The following NCALD variants were observed in gnomAD, a reference collection of about 807,000 sequenced individuals.
The protein encoded by NCALD is neurocalcin-delta.
In NCALD, 10 loss-of-function variants were observed where a neutral mutation model predicts 18.6. That is an observed-to-expected ratio of 0.54 (90% confidence interval 0.33 to 0.91). The LOEUF is 0.91. Ranked by LOEUF, NCALD falls within the 40% of genes least tolerant of loss-of-function variation. The pLI, the probability that NCALD is intolerant of heterozygous loss-of-function variation, is 0.03. For synonymous variants in NCALD, 88 were observed against 87.4 expected (o/e 1.01, Z -0.04); for missense variants, 184 against 247.6 (o/e 0.74, Z 1.72).
intron 4 of NCALD, among the ~76,000 whole-genome samples, chr8:101,797,616 G>A (rs1018251359): frequency 9.2e-5 from 14 of 152,242 alleles, no homozygotes; most frequent in Admixed American, 2.0e-4. Context: ...AAGAGATTGA[G>A]ACCATCCTGG....
intron 1 of NCALD, among the ~76,000 whole-genome samples, chr8:101,779,688 G>A (rs1349492827): frequency 1.3e-5 from 2 of 152,052 alleles, no homozygotes; most frequent in Non-Finnish European, 2.9e-5. Flanking sequence ...CAATCCTAAA[G>A]GTGGGATTAG....
chr8:102,054,660 CGATAGATA>C (rs10617345), intron 1 of NCALD, among the ~76,000 whole-genome samples: 27,296 of 141,800 alleles, frequency 0.19, 2,769 homozygotes, highest in African/African-American at 0.24. Context: ...CTTTCTCTTC[CGATAGATA>C]GATAGATAGA....
At chr8:102,107,164 ATTAT>A (rs1471106832) in intron 1 of NCALD, among the ~76,000 whole-genome samples, 2 of 142,580 alleles carry the variant, frequency 1.4e-5, no homozygotes, top group African/African-American at 2.6e-5. Flanking sequence ...AATTTAAAAA[ATTAT>A]TTATCTACAG....
At chr8:101,898,999 C>G (rs1271887031) in intron 3 of NCALD, among the ~76,000 whole-genome samples, 3 of 152,044 alleles carry the variant, frequency 2.0e-5, no homozygotes, top group Non-Finnish European at 4.4e-5. Context: ...ACTAAGTTGA[C>G]TCTTCCAATC....
intron 1 of NCALD, among the ~76,000 whole-genome samples, chr8:101,767,392 T>C (rs1473262960): frequency 1.3e-5 from 2 of 152,154 alleles, no homozygotes; most frequent in Admixed American, 1.3e-4. Flanking sequence ...AAACAACATC[T>C]GGAGAAGGTT....
chr8:101,825,138 A>G (rs1213232210), intron 4 of NCALD, among the ~76,000 whole-genome samples: 1 of 152,208 alleles, frequency 6.6e-6, no homozygotes, highest in East Asian at 1.9e-4. Flanking sequence ...GCTGTCTTCA[A>G]ATGGCAATTC....
intron 1 of NCALD, among the ~76,000 whole-genome samples, chr8:101,748,523 G>T (rs1470718801): frequency 6.6e-6 from 1 of 152,134 alleles, no homozygotes; most frequent in Non-Finnish European, 1.5e-5. Flanking sequence ...TTCTCCATCT[G>T]CCTCCCACCC....
chr8:101,778,248 C>A (rs1486141326), intron 1 of NCALD, among the ~76,000 whole-genome samples: 2 of 152,172 alleles, frequency 1.3e-5, no homozygotes, highest in African/African-American at 4.8e-5. Flanking sequence ...ACCATTCCTA[C>A]GTAACTGCCA....
At chr8:101,739,879 C>T (rs1251839793) in intron 1 of NCALD, among the ~76,000 whole-genome samples, 1 of 152,160 alleles carries the variant, frequency 6.6e-6, no homozygotes, top group East Asian at 1.9e-4. Context: ...AACTCCCCTT[C>T]ATATATGCAT....
At position 102,112,362 on chromosome 8, in the gene NCALD, G is replaced by A. The variant is rs935871634; in HGVS notation, c.-210+11875C>T. Among the ~76,000 whole-genome samples, 7 of 152,064 alleles carry A rather than the reference G, an allele frequency of 4.6e-5. No homozygotes were observed. In the South Asian group the frequency reaches 6.2e-4, roughly 14 times the overall value. Reference sequence around the variant, plus strand: ...AAGTGGCAATACTAAGACCAAAACCGGATTAATCCAGCTCCAGAAGGGATG... The same window carrying A: ...AAGTGGCAATACTAAGACCAAAACCAGATTAATCCAGCTCCAGAAGGGATG... On this transcript the variant is annotated intron_variant, in intron 1 of 6. Transcript: ENST00000311028.
rs183532315 is a variant in NCALD, at chr8:102,002,906, G to A, written c.-157+17331C>T. On this transcript the variant is annotated intron_variant, in intron 2 of 6. Transcript: ENST00000311028. ...TGTAGAGGGAAATTTAGAGCACTAA[G>A]GGCCCACAAGAGAAAGCAGGAAAGA... is the stretch of plus-strand genomic sequence containing the variant. Among the ~76,000 whole-genome samples, 1,486 of 151,824 alleles carry A rather than the reference G, an allele frequency of 9.8e-3. 24 individuals carry two copies. Among genetic ancestry groups the A allele is most frequent in the African/African-American group, 0.03 (1,246 of 41,390 alleles).
chr8:101,713,441 G>A (rs1815907742), intron 2 of NCALD, among the ~76,000 whole-genome samples: 1 of 150,280 alleles, frequency 6.7e-6, no homozygotes, highest in Non-Finnish European at 1.5e-5. Context: ...GAGAACTGAA[G>A]GAGATAGAGA....
At chr8:101,934,424 G>C (rs1477348375) in intron 2 of NCALD, among the ~76,000 whole-genome samples, 1 of 152,084 alleles carries the variant, frequency 6.6e-6, no homozygotes, top group Non-Finnish European at 1.5e-5. Context: ...AAGAAGATTA[G>C]GCATAGTGAG....
At chr8:101,691,738 GATT>G in intron 3 of NCALD, 1 of 985,360 alleles carries the variant, frequency 1.0e-6, no homozygotes, top group Non-Finnish European at 1.2e-6. Flanking sequence ...CACAAACCCA[GATT>G]CTTAGGCAGC....
chr8:101,913,154 A>T (rs1817860144), intron 3 of NCALD, among the ~76,000 whole-genome samples: 1 of 152,208 alleles, frequency 6.6e-6, no homozygotes, highest in African/African-American at 2.4e-5. Flanking sequence ...CCCAAGCTGT[A>T]CTCAGACTCC....
chr8:101,923,503 C>G (rs1818237083), intron 2 of NCALD, among the ~76,000 whole-genome samples: 1 of 152,160 alleles, frequency 6.6e-6, no homozygotes, highest in Non-Finnish European at 1.5e-5. Context: ...TGTCAAGTCC[C>G]TTCCAGTTCT....
At chr8:101,762,645 A>C (rs1042076385) in intron 1 of NCALD, among the ~76,000 whole-genome samples, 2 of 148,814 alleles carry the variant, frequency 1.3e-5, no homozygotes, top group African/African-American at 5.0e-5. Flanking sequence ...TGTGATATCG[A>C]CTCACTGCAA....
intron 4 of NCALD, among the ~76,000 whole-genome samples, chr8:101,817,385 C>T (rs777896816): frequency 2.6e-5 from 4 of 152,198 alleles, no homozygotes; most frequent in East Asian, 1.9e-4. Flanking sequence ...TTGTTCTTTC[C>T]GGATTGTCAT....
At chr8:101,833,044 A>G (rs140210108) in intron 4 of NCALD, among the ~76,000 whole-genome samples, 164 of 152,340 alleles carry the variant, frequency 1.1e-3, no homozygotes, top group African/African-American at 3.4e-3. Flanking sequence ...CTGGATCTGA[A>G]GAGGCTATGA....
Sources: allele counts gnomAD v4.1 joint callset (sites outside exome capture counted in the v4.1 genomes callset), GRCh38; gene constraint gnomAD v4.1.1; transcripts MANE v1.5; gene names NCBI Gene and HGNC (gene_info 2026-07-23, HGNC 2026-07-21).